Variants in ADD1 observed in about 807,000 individuals in gnomAD.
The protein encoded by ADD1 is adducin 1.
A neutral mutation model predicts 80.5 loss-of-function variants in ADD1; 24 were observed. The ratio of observed to expected loss-of-function variants is 0.30; its 90% CI spans 0.22 to 0.42. ADD1 has a LOEUF of 0.42. ADD1 is among the 10% of genes least tolerant of loss of function. ADD1 has a pLI of 1.00. For synonymous variants in ADD1, 373 were observed against 393.8 expected, an observed-to-expected ratio of 0.95 and a Z score of 0.63; for missense variants, 948 against 1,019.0, an observed-to-expected ratio of 0.93 and a Z score of 0.95.
At position 2,926,151 on chromosome 4, in the gene ADD1, T is replaced by C; in HGVS notation, c.2047+39T>C. 4 of 1,555,468 alleles carry C rather than the reference T, an allele frequency of 2.6e-6. No individual in the cohort carries two copies. The highest frequency in any genetic ancestry group is 3.5e-6 in the Non-Finnish European group (4 of 1,127,326). On this transcript the variant is annotated intron_variant, in intron 15 of 15. Transcript: ENST00000683351. The surrounding 1 kb of genome is among the most constrained non-coding windows in gnomAD (Gnocchi z 5.0). ...GGCAGCGGCCGCCACTGTGGGAGGG[T>C]GCACGGCTCGTGCGCGCTGTGGCGG...
intron 2 of ADD1, among the ~76,000 whole-genome samples, chr4:2,880,784 T>G (rs1266125223): frequency 1.3e-5 from 2 of 152,002 alleles, no homozygotes; most frequent in African/African-American, 4.8e-5. Context: ...CGATATTTAT[T>G]TCTTTGCAGG....
chr4:2,870,853 T>G (rs1157212784), intron 1 of ADD1, among the ~76,000 whole-genome samples: 2 of 152,194 alleles, frequency 1.3e-5, no homozygotes, highest in Admixed American at 6.5e-5. Context: ...CAGCTAAAAT[T>G]TTCAGTTCCA....
At chr4:2,868,033 C>T (rs1278509170) in intron 1 of ADD1, 4 of 152,202 alleles carry the variant, frequency 2.6e-5, no homozygotes, top group African/African-American at 2.4e-5. Flanking sequence ...AGAAATGATC[C>T]GATCAGAGTA....
chr4:2,863,996 A>G (rs1729182321), intron 1 of ADD1, among the ~76,000 whole-genome samples: 1 of 152,200 alleles, frequency 6.6e-6, no homozygotes, highest in Admixed American at 6.5e-5. Flanking sequence ...ACCCCTATAC[A>G]CTGTCAACTA....
Position 2,928,781 on chromosome 4 carries a change from A to T in ADD1, c.*258A>T. 2.1e-6 allele frequency: 1 copy of T among 482,904 alleles called. No individual in the cohort carries two copies. The highest frequency in any genetic ancestry group is 3.6e-6 in the Non-Finnish European group (1 of 275,936). 29.9% of individuals were successfully genotyped at this position (482,904 alleles called of 1,614,324 possible). The stretch of plus-strand genomic sequence containing the variant: ...GCTCTCCCCACAGGGGGGAGGCACT[A>T]AGTCATGGTCCTGGCTGGAAGGTAC... On this transcript the variant is annotated 3_prime_UTR_variant, in exon 16 of 16. Coordinates refer to ENST00000683351, the MANE Select transcript of ADD1 (RefSeq NM_001354761.2).
chr4:2,849,510 G>A (rs373875677), intron 1 of ADD1, among the ~76,000 whole-genome samples: 83 of 152,286 alleles, frequency 5.5e-4, no homozygotes, highest in East Asian at 3.3e-3. Context: ...GGAATGGGGC[G>A]CAGTAGATGT....
chr4:2,844,567 T>A (rs1725892811), intron 1 of ADD1: 1 of 152,266 alleles, frequency 6.6e-6, no homozygotes, highest in Non-Finnish European at 1.5e-5. Context: ...TCCCTCTCTT[T>A]TCTTTTTTCT....
At chr4:2,863,721 T>TGTTTTG (rs144910973) in intron 1 of ADD1, among the ~76,000 whole-genome samples, 1 of 151,940 alleles carries the variant, frequency 6.6e-6, no homozygotes, top group Non-Finnish European at 1.5e-5. Flanking sequence ...ACCTTGTTTT[T>TGTTTTG]TTTTGTTTTG....
In ADD1 at chr4:2,877,879, G is replaced by A. The variant is rs572703921; in HGVS notation, c.195+1769G>A. Among the ~76,000 whole-genome samples the A allele has an allele frequency of 2.6e-5, 4 of 152,340 alleles. No individual in the cohort carries two copies. The East Asian group carries it at 5.8e-4, about 22-fold the overall frequency. On this transcript the variant is annotated intron_variant, in intron 2 of 15. Coordinates refer to ENST00000683351, the MANE Select transcript of ADD1 (RefSeq NM_001354761.2). ...CAATCCCAGCTACTCAGGAGGCTGA[G>A]GTGGGAGGATCACTCAAGCTGAGGC...
chr4:2,928,255 C>A lies in ADD1; in HGVS notation c.2132C>A (p.Pro711His), dbSNP rs535562458. The A allele has an allele frequency of 6.2e-7, 1 of 1,614,098 alleles. No homozygotes were observed. The highest frequency in any genetic ancestry group is 1.3e-5 in the African/African-American group (1 of 75,024). ...CTCCCCGATCTGTCCCCTGATGAAC[C>A]TTCAGAAGCACTCGGCTTCCCAATG... ...PTLPDLSPDE[P>H]SEALGFPMLE... Residue 711 changes from proline (P) to histidine (H), a missense_variant, in exon 16 of 16, where the codon CCT becomes CAT. Physicochemically the swap from Pro to His is moderately conservative, Grantham distance 77. Transcript: ENST00000683351.
intron 14 of ADD1, among the ~76,000 whole-genome samples, 196 bp from the exon 15 acceptor site, chr4:2,925,818 C>T (rs954856563): frequency 1.3e-5 from 2 of 152,220 alleles, no homozygotes; most frequent in South Asian, 2.1e-4. Flanking sequence ...GGTTAAGTTT[C>T]TCTGAAATTC....
chr4:2,894,443 C>A, intron 5 of ADD1, 139 bp from the exon 6 acceptor site: 1 of 742,156 alleles, frequency 1.3e-6, no homozygotes, highest in Non-Finnish European at 2.1e-6. Context: ...ATTGTTTGAA[C>A]CTGGGAGGTG....
intron 14 of ADD1, among the ~76,000 whole-genome samples, chr4:2,924,151 G>A (rs867200046): frequency 2.1e-4 from 32 of 152,214 alleles, no homozygotes; most frequent in Admixed American, 1.8e-3. Context: ...TGACAAAGGC[G>A]GTCTTGTTTT....
intron 6 of ADD1, among the ~76,000 whole-genome samples, chr4:2,897,083 T>C (rs1183469187): frequency 1.3e-5 from 2 of 152,166 alleles, no homozygotes; most frequent in Admixed American, 6.5e-5. Flanking sequence ...TCAAAATAAT[T>C]TTGCTTGGTA....
At chr4:2,863,030 C>T (rs1049457844) in intron 1 of ADD1, among the ~76,000 whole-genome samples, 1 of 151,986 alleles carries the variant, frequency 6.6e-6, no homozygotes, top group Non-Finnish European at 1.5e-5. Flanking sequence ...TGGCTTCTCC[C>T]CTCTACCTCA....
Position 2,928,818 on chromosome 4 carries a change from G to T in ADD1, c.*295G>T. On this transcript the variant is annotated 3_prime_UTR_variant, in exon 16 of 16. Transcript: ENST00000683351. ...TGGCTGGAAGGTACTGAAGGCTTCT[G>T]CAGCTTTGGCTGCACGTCACCCTCC... 1 of 361,670 alleles carries T rather than the reference G, an allele frequency of 2.8e-6. No individual in the cohort carries two copies. Among genetic ancestry groups the T allele is most frequent in the Non-Finnish European group, 5.0e-6 (1 of 201,698 alleles). The allele number at this position is 361,670 out of a possible 1,614,324, so 22.4% of individuals were successfully genotyped here. A position where few individuals can be genotyped will look rare whatever the true frequency, so the allele number is the denominator to read the frequency against.
intron 9 of ADD1, chr4:2,899,717 T>C: frequency 2.2e-6 from 1 of 447,958 alleles, no homozygotes; most frequent in South Asian, 2.1e-5. Context: ...GATGACCAGC[T>C]GTGTCAGCTC....
chr4:2,918,501 A>C (rs888024823), intron 14 of ADD1, among the ~76,000 whole-genome samples: 1 of 152,122 alleles, frequency 6.6e-6, no homozygotes, highest in African/African-American at 2.4e-5. Context: ...TGAATACACT[A>C]TATTTTTTTC....
chr4:2,877,310 C>A (rs1188005087), intron 2 of ADD1, among the ~76,000 whole-genome samples: 2 of 151,464 alleles, frequency 1.3e-5, no homozygotes, highest in Non-Finnish European at 2.9e-5. Context: ...TTAAAAAAAA[C>A]AAAAGATGTT....
Sources: gnomAD v4.1 joint callset for allele counts (sites outside exome capture counted in the v4.1 genomes callset) on GRCh38, gnomAD v4.1.1 for gene constraint, Gnocchi (gnomAD v3.1) non-coding constraint, MANE v1.5 for transcripts, NCBI Gene and HGNC (gene_info 2026-07-23, HGNC 2026-07-21) for gene names.